Variants in ARL13B observed in about 807,000 individuals in gnomAD.
ARL13B encodes the protein ARF like GTPase 13B.
In ARL13B, 36 loss-of-function variants were observed where a neutral mutation model predicts 56.1. The observed-to-expected ratio is 0.64, with a 90% CI of 0.49 to 0.85. The LOEUF is 0.85. Among genes scored for constraint, ARL13B ranks in the 40% least tolerant of loss-of-function variants. The pLI, the probability that ARL13B is intolerant of heterozygous loss-of-function variation, is 0.00. For synonymous variants in ARL13B, 178 were observed against 171.1 expected (o/e 1.04, Z -0.32); for missense variants, 519 against 507.1 (o/e 1.02, Z -0.23).
chr3:94,033,075 C>T (rs546875330), intron 3 of ARL13B, among the ~76,000 whole-genome samples: 1 of 152,214 alleles, frequency 6.6e-6, no homozygotes, highest in South Asian at 2.1e-4. Context: ...TTTCCAGCAA[C>T]GTGGATGGAG....
At chr3:93,999,568 C>A (rs754152470) in intron 2 of ARL13B, among the ~76,000 whole-genome samples, 4 of 152,044 alleles carry the variant, frequency 2.6e-5, no homozygotes, top group Non-Finnish European at 5.9e-5. Context: ...AACATCTATT[C>A]TTTGCGTTAC....
At chr3:94,012,435 C>T (rs2076240373) in intron 3 of ARL13B, among the ~76,000 whole-genome samples, 2 of 152,136 alleles carry the variant, frequency 1.3e-5, no homozygotes, top group South Asian at 4.1e-4. Flanking sequence ...TCCTGTAATT[C>T]TACCTTTTAA....
At chr3:94,042,655 T>C (rs1164155733) in intron 6 of ARL13B, among the ~76,000 whole-genome samples, 1 of 152,116 alleles carries the variant, frequency 6.6e-6, no homozygotes, top group Non-Finnish European at 1.5e-5. Context: ...TGTATGTTTC[T>C]GGGTGATGTA....
intron 3 of ARL13B, among the ~76,000 whole-genome samples, chr3:94,011,611 C>T (rs2107470844): frequency 6.6e-6 from 1 of 152,194 alleles, no homozygotes; most frequent in South Asian, 2.1e-4. Context: ...CTCTTTCTAC[C>T]CAAGTCCAGC....
In ARL13B at chr3:94,054,726, A is replaced by G; in HGVS notation, c.*1463A>G. The stretch of plus-strand genomic sequence containing the variant: ...TAATCAGGTCACCTGTACTCTAGTC[A>G]GCACTGTATATATTCTTGGAGTTTG... On this transcript the variant is annotated 3_prime_UTR_variant, in exon 10 of 10. Transcript: ENST00000394222. 2.4e-6 allele frequency: 1 copy of G among 419,072 alleles called. No homozygotes were observed. The highest frequency in any genetic ancestry group is 7.6e-4 in the Middle Eastern group (1 of 1,318). 26.0% of individuals were successfully genotyped at this position (419,072 alleles called of 1,614,324 possible).
chr3:93,984,055 T>C (rs1433134039), intron 1 of ARL13B, among the ~76,000 whole-genome samples: 1 of 152,170 alleles, frequency 6.6e-6, no homozygotes, highest in Non-Finnish European at 1.5e-5. Context: ...GGAAAGGAAA[T>C]GTTAAGAAAG....
chr3:93,989,197 A>G (rs1418947145), intron 1 of ARL13B, among the ~76,000 whole-genome samples: 1 of 152,224 alleles, frequency 6.6e-6, no homozygotes, highest in Non-Finnish European at 1.5e-5. Flanking sequence ...TTTTGATGTG[A>G]AGATTTATAT....
Position 94,041,080 on chromosome 3 carries a change from GT to G in ARL13B, c.798+1104del, listed in dbSNP as rs60890269. On this transcript the variant is annotated intron_variant, in intron 6 of 9. Coordinates refer to ENST00000394222, the MANE Select transcript of ARL13B (RefSeq NM_001174150.2). ...AAGAAATAAAAGCAAATTAGCTATA[GT>G]TTTTTTTTTTTAACCATACAGATTT... Among the ~76,000 whole-genome samples the G allele has an allele frequency of 3.2e-3, 466 of 145,184 alleles. 4 individuals are homozygous for G. Among genetic ancestry groups the G allele is most frequent in the Middle Eastern group, 0.011 (3 of 278 alleles).
chr3:93,995,472 A>G (rs1007611878), intron 1 of ARL13B, among the ~76,000 whole-genome samples: 7 of 152,198 alleles, frequency 4.6e-5, no homozygotes, highest in Non-Finnish European at 8.8e-5. Context: ...ATTTAAAAAC[A>G]GTTATGTACT....
intron 7 of ARL13B, among the ~76,000 whole-genome samples, chr3:94,046,689 G>A (rs1276949599): frequency 3.3e-5 from 5 of 151,916 alleles, no homozygotes; most frequent in African/African-American, 1.2e-4. Context: ...AACATCTTAA[G>A]GTTTTTTGTT....
chr3:94,042,444 G>C (rs965879701), intron 6 of ARL13B, among the ~76,000 whole-genome samples: 4 of 152,032 alleles, frequency 2.6e-5, no homozygotes, highest in African/African-American at 7.2e-5. Context: ...TACAGAATTG[G>C]TATGCTATAA....
At chr3:94,052,125 A>G (rs1462765006) in intron 9 of ARL13B, among the ~76,000 whole-genome samples, 1 of 152,088 alleles carries the variant, frequency 6.6e-6, no homozygotes. Flanking sequence ...ATAAATATTC[A>G]CTATGTTGTT....
intron 6 of ARL13B, among the ~76,000 whole-genome samples, chr3:94,042,715 C>T (rs1304161196): frequency 6.6e-6 from 1 of 152,016 alleles, no homozygotes; most frequent in African/African-American, 2.4e-5. Flanking sequence ...CAGAGAAAAT[C>T]ATCTCTTAGT....
intron 1 of ARL13B, 64 bp from the exon 2 acceptor site, chr3:93,995,810 C>G: frequency 7.1e-7 from 1 of 1,400,896 alleles, no homozygotes; most frequent in Non-Finnish European, 9.9e-7. Flanking sequence ...AATGAATTTG[C>G]ATTTATTTTT....
At chr3:93,999,616 T>C (rs1269320909) in intron 2 of ARL13B, among the ~76,000 whole-genome samples, 1 of 152,226 alleles carries the variant, frequency 6.6e-6, no homozygotes, top group African/African-American at 2.4e-5. Context: ...TAAATTATTA[T>C]TGACTATAGT....
intron 1 of ARL13B, among the ~76,000 whole-genome samples, chr3:93,981,827 T>C (rs1181866573): frequency 2.9e-5 from 4 of 137,478 alleles, no homozygotes; most frequent in African/African-American, 1.1e-4. Context: ...TGAGCCGATA[T>C]CGCTGCACTC....
intron 3 of ARL13B, among the ~76,000 whole-genome samples, chr3:94,016,934 C>T (rs1399680353): frequency 6.6e-6 from 1 of 152,112 alleles, no homozygotes; most frequent in Non-Finnish European, 1.5e-5. Context: ...TGTGAGCCAC[C>T]GCTCCCAGCC....
chr3:93,995,331 T>TTC (rs1434439027), intron 1 of ARL13B, among the ~76,000 whole-genome samples: 107 of 152,110 alleles, frequency 7.0e-4, no homozygotes, highest in African/African-American at 2.5e-3. Context: ...GTTTTTTTTT[T>TTC]CCCCCTGTGG....
At chr3:94,041,136 G>A (rs1400439772) in intron 6 of ARL13B, among the ~76,000 whole-genome samples, 1 of 150,852 alleles carries the variant, frequency 6.6e-6, no homozygotes, top group Non-Finnish European at 1.5e-5. Flanking sequence ...AACTTTTTTA[G>A]CATGTTTCTT....
Sources: gnomAD v4.1 joint callset for allele counts (sites outside exome capture counted in the v4.1 genomes callset) on GRCh38, gnomAD v4.1.1 for gene constraint, MANE v1.5 for transcripts, NCBI Gene and HGNC (gene_info 2026-07-23, HGNC 2026-07-21) for gene names.